The following SPEF2 variants were observed in gnomAD, a reference collection of about 807,000 sequenced individuals.
The protein encoded by SPEF2 is sperm flagellar and cilia associated 2.
In SPEF2, 187 loss-of-function variants were observed where a neutral mutation model predicts 224.6. The ratio of observed to expected loss-of-function variants is 0.83; its 90% CI spans 0.74 to 0.94. The LOEUF is 0.94. Ranked by LOEUF, SPEF2 falls within the 40% of genes least tolerant of loss-of-function variation. SPEF2 has a pLI of 0.00. For missense variants in SPEF2, 2,170 were observed against 2,135.6 expected (o/e 1.02, Z -0.32); for synonymous variants, 715 against 707.3 (o/e 1.01, Z -0.17).
At chr5:35,695,901 T>C (rs1323694579) in intron 14 of SPEF2, 105 bp downstream of exon 14, 3 of 769,340 alleles carry the variant, frequency 3.9e-6, no homozygotes, top group African/African-American at 3.6e-5. Flanking sequence ...TGTGCTCTTC[T>C]TTGGTTTCAA....
Position 35,700,555 on chromosome 5 carries a change from C to T in SPEF2, c.2201C>T (p.Ala734Val). ...LDGFPMTLNQ[A>V]QLLEEALTGC... Reference sequence around the variant, plus strand: ...GGTTTTCCAATGACTTTAAACCAAGCACAGCTTCTGGAAGAAGCTCTTACA... The same window carrying T: ...GGTTTTCCAATGACTTTAAACCAAGTACAGCTTCTGGAAGAAGCTCTTACA... The change falls in exon 16 of 37, where the codon GCA becomes GTA. Residue 734 changes from alanine (A) to valine (V), a missense_variant. Coordinates refer to ENST00000356031, the MANE Select transcript of SPEF2 (RefSeq NM_024867.4). 6.2e-7 allele frequency: 1 copy of T among 1,613,668 alleles called. No homozygotes were observed. Among genetic ancestry groups the T allele is most frequent in the Non-Finnish European group, 8.5e-7 (1 of 1,179,870 alleles).
chr5:35,808,419 G>C (rs1204954377), intron 36 of SPEF2, among the ~76,000 whole-genome samples: 1 of 151,864 alleles, frequency 6.6e-6, no homozygotes, highest in African/African-American at 2.4e-5. Flanking sequence ...CCCATGACAG[G>C]CCCCAGTGTA....
intron 21 of SPEF2, among the ~76,000 whole-genome samples, chr5:35,732,449 G>A (rs10053840): frequency 0.35 from 53,345 of 151,870 alleles, 9,683 homozygotes; most frequent in Middle Eastern, 0.43. Context: ...ACCAGAGAGA[G>A]AAGTAGGTCA....
intron 21 of SPEF2, among the ~76,000 whole-genome samples, chr5:35,729,660 T>G (rs1192313613): frequency 6.6e-6 from 1 of 152,186 alleles, no homozygotes; most frequent in Admixed American, 6.5e-5. Flanking sequence ...CGAGTTTACC[T>G]GCTGATATGG....
chr5:35,776,672 A>G (rs1753649701), intron 29 of SPEF2, among the ~76,000 whole-genome samples: 1 of 152,202 alleles, frequency 6.6e-6, no homozygotes, highest in Non-Finnish European at 1.5e-5. Flanking sequence ...TGAGAACCTT[A>G]TTTTACAAGG....
At position 35,737,010 on chromosome 5, in the gene SPEF2, G is replaced by C. The variant is rs750145550; in HGVS notation, c.3064-2909G>C. On this transcript the variant is annotated intron_variant, in intron 21 of 36. Coordinates refer to ENST00000356031, the MANE Select transcript of SPEF2 (RefSeq NM_024867.4). The stretch of plus-strand genomic sequence containing the variant: ...CCACTTCCACCTCTTGGTAGCCATT[G>C]CTTTGATTGTGCTTTGTCTTCAGGA... Among the ~76,000 whole-genome samples the C allele has an allele frequency of 1.2e-4, 18 of 152,218 alleles. 1 individual carries two copies. The South Asian group carries it at 2.3e-3, about 19-fold the overall frequency.
chr5:35,788,074 T>G lies in SPEF2; in HGVS notation c.4448-4266T>G, dbSNP rs929206246. ...TGAAGTCAGGGGGAAGTCAAGTGAATTTTTTTTATGGTACTGACAACTTTA... is the reference window on the plus strand; with the variant it reads ...TGAAGTCAGGGGGAAGTCAAGTGAAGTTTTTTTATGGTACTGACAACTTTA... On this transcript the variant is annotated intron_variant, in intron 30 of 36. Transcript: ENST00000356031. The G allele has an allele frequency of 5.7e-5, 40 of 702,500 alleles. No individual in the cohort carries two copies. The African/African-American group carries it at 6.1e-4, about 11-fold the overall frequency. The allele number at this position is 702,500 out of a possible 1,614,324, so 43.5% of individuals were successfully genotyped here. A position where few individuals can be genotyped will look rare whatever the true frequency, so the allele number is the denominator to read the frequency against.
chr5:35,793,350 C>T lies in SPEF2; in HGVS notation c.4737+9C>T. 6.2e-7 allele frequency: 1 copy of T among 1,607,732 alleles called. No individual in the cohort carries two copies. The highest frequency in any genetic ancestry group is 8.5e-7 in the Non-Finnish European group (1 of 1,177,882). Reference sequence around the variant, plus strand: ...TTGAGCAGTATATGCAGGTTGTTACCAGCACCTGATGGCATTGATAACACC... The same window carrying T: ...TTGAGCAGTATATGCAGGTTGTTACTAGCACCTGATGGCATTGATAACACC... On this transcript the variant is annotated intron_variant, in intron 32 of 36. Transcript: ENST00000356031.
At chr5:35,797,634 T>A (rs1174339004) in intron 33 of SPEF2, among the ~76,000 whole-genome samples, 2 of 152,144 alleles carry the variant, frequency 1.3e-5, no homozygotes, top group Admixed American at 1.3e-4. Flanking sequence ...TAATAAGTCC[T>A]ATGTGTCAGT....
At chr5:35,656,701 C>T (rs990924225) in intron 7 of SPEF2, among the ~76,000 whole-genome samples, 2 of 152,138 alleles carry the variant, frequency 1.3e-5, no homozygotes, top group Non-Finnish European at 2.9e-5. Context: ...CCTCACTTTC[C>T]ACTAGGATGC....
At chr5:35,758,242 T>A (rs1750728254) in intron 24 of SPEF2, among the ~76,000 whole-genome samples, 1 of 152,196 alleles carries the variant, frequency 6.6e-6, no homozygotes, top group Non-Finnish European at 1.5e-5. Flanking sequence ...AGATGCTTTC[T>A]GTAATTAACT....
intron 30 of SPEF2, chr5:35,790,496 A>G (rs1755799079): frequency 2.3e-6 from 1 of 425,966 alleles, no homozygotes; most frequent in Non-Finnish European, 4.1e-6. Flanking sequence ...TTCTCTTCAC[A>G]TCAAACAAAA....
At chr5:35,643,247 T>C (rs1746858363) in intron 3 of SPEF2, among the ~76,000 whole-genome samples, 1 of 152,168 alleles carries the variant, frequency 6.6e-6, no homozygotes, top group Non-Finnish European at 1.5e-5. Context: ...TGAACAAATA[T>C]TTATTGGGCT....
chr5:35,794,072 C>T (rs1756330383), intron 32 of SPEF2, among the ~76,000 whole-genome samples: 1 of 152,160 alleles, frequency 6.6e-6, no homozygotes, highest in South Asian at 2.1e-4. Flanking sequence ...ATAATAAGTA[C>T]AGAAGTTAGA....
chr5:35,795,597 G>C (rs1756556712), intron 32 of SPEF2, 106 bp from the exon 33 acceptor site: 1 of 861,808 alleles, frequency 1.2e-6, no homozygotes. Context: ...TCCTACTTGG[G>C]AGACAACTGC....
intron 17 of SPEF2, among the ~76,000 whole-genome samples, chr5:35,705,056 A>C (rs1414789981): frequency 6.6e-6 from 1 of 152,056 alleles, no homozygotes; most frequent in African/African-American, 2.4e-5. Context: ...GGTTGTGTGC[A>C]ATTTGCCATT....
At chr5:35,790,692 T>A (rs1162781843) in intron 30 of SPEF2, 1 of 185,766 alleles carries the variant, frequency 5.4e-6, no homozygotes, top group Non-Finnish European at 1.1e-5. Flanking sequence ...CAGACTATGA[T>A]TACGGTCTGA....
intron 19 of SPEF2, 35 bp downstream of exon 19, chr5:35,709,156 G>C: frequency 3.8e-6 from 6 of 1,596,758 alleles, no homozygotes; most frequent in South Asian, 1.1e-5. Flanking sequence ...CCTGTTTTCA[G>C]TTTCTTATTT....
At chr5:35,788,785 A>G in intron 30 of SPEF2, 1 of 703,010 alleles carries the variant, frequency 1.4e-6, no homozygotes. Flanking sequence ...ACCTTGAACT[A>G]TCTTACAAAG....
Sources: allele counts gnomAD v4.1 joint callset (sites outside exome capture counted in the v4.1 genomes callset), GRCh38; gene constraint gnomAD v4.1.1; transcripts MANE v1.5; gene names NCBI Gene and HGNC (gene_info 2026-07-23, HGNC 2026-07-21).